NEGR1: variants seen among roughly 807,000 people sequenced by gnomAD.
The protein encoded by NEGR1 is neuronal growth regulator 1, also known as IgLON family member 4.
NEGR1 carries 10 observed loss-of-function variants against 40.9 expected under a neutral mutation model. The ratio of observed to expected loss-of-function variants is 0.24; its 90% CI spans 0.15 to 0.42. The LOEUF (loss-of-function observed/expected upper bound fraction) is 0.42. Ranked by LOEUF, NEGR1 falls within the 10% of genes least tolerant of loss-of-function variation. NEGR1 has a pLI of 1.00. For missense variants in NEGR1, 352 were observed against 438.9 expected, an observed-to-expected ratio of 0.80 and a Z score of 1.77; for synonymous variants, 185 against 166.8, an observed-to-expected ratio of 1.11 and a Z score of -0.84.
At chr1:71,816,546 A>C (rs1463721072) in intron 2 of NEGR1, among the ~76,000 whole-genome samples, 1 of 151,948 alleles carries the variant, frequency 6.6e-6, no homozygotes, top group Non-Finnish European at 1.5e-5. Flanking sequence ...GATCTCATGA[A>C]ACTTATTTAC....
At chr1:72,187,363 C>T (rs1210280404) in intron 1 of NEGR1, among the ~76,000 whole-genome samples, 1 of 151,346 alleles carries the variant, frequency 6.6e-6, no homozygotes, top group Non-Finnish European at 1.5e-5. Context: ...AGGAAATATC[C>T]TAACACAGTA....
intron 1 of NEGR1, among the ~76,000 whole-genome samples, chr1:72,165,533 A>G (rs2100383500): frequency 6.6e-6 from 1 of 152,004 alleles, no homozygotes; most frequent in Middle Eastern, 3.4e-3. Context: ...TGTTTCCTTT[A>G]GGTGTTATTT....
At chr1:71,714,376 A>G (rs765865684) in intron 3 of NEGR1, among the ~76,000 whole-genome samples, 6 of 152,098 alleles carry the variant, frequency 3.9e-5, no homozygotes, top group Non-Finnish European at 8.8e-5. Context: ...CCCCTCCCAA[A>G]TCTCATGTCC....
intron 3 of NEGR1, among the ~76,000 whole-genome samples, chr1:71,743,652 C>A (rs1364278515): frequency 6.6e-6 from 1 of 152,104 alleles, no homozygotes; most frequent in South Asian, 2.1e-4. Context: ...CCCTAATAAC[C>A]TTCAGCAGCA....
At chr1:71,577,782 A>T (rs566008239) in intron 6 of NEGR1, among the ~76,000 whole-genome samples, 56 of 152,272 alleles carry the variant, frequency 3.7e-4, no homozygotes, top group African/African-American at 1.3e-3. Context: ...ATTTTCCAAA[A>T]CTGTTAAAAG....
At chr1:72,063,823 T>C (rs899900969) in intron 1 of NEGR1, among the ~76,000 whole-genome samples, 3 of 151,864 alleles carry the variant, frequency 2.0e-5, no homozygotes, top group African/African-American at 7.2e-5. Context: ...AAAGCCAAGA[T>C]TGTAGTGCTT....
chr1:71,547,850 G>A (rs891357287), intron 6 of NEGR1, among the ~76,000 whole-genome samples: 1 of 151,682 alleles, frequency 6.6e-6, no homozygotes, highest in Non-Finnish European at 1.5e-5. Context: ...TGTGACAGAG[G>A]TGCTGGTATA....
chr1:71,896,183 G>A (rs990420722), intron 2 of NEGR1, among the ~76,000 whole-genome samples: 3 of 151,812 alleles, frequency 2.0e-5, no homozygotes, highest in Admixed American at 2.0e-4. Flanking sequence ...GATTACAGGT[G>A]CATGCCACCA....
At chr1:72,088,770 A>T (rs1013658547) in intron 1 of NEGR1, among the ~76,000 whole-genome samples, 3 of 150,506 alleles carry the variant, frequency 2.0e-5, no homozygotes, top group African/African-American at 7.3e-5. Context: ...ACTGTAAAAC[A>T]ATGTATAATG....
At chr1:71,458,448 A>T (rs1384216009) in intron 6 of NEGR1, among the ~76,000 whole-genome samples, 1 of 152,208 alleles carries the variant, frequency 6.6e-6, no homozygotes, top group African/African-American at 2.4e-5. Flanking sequence ...TGTAGTGCCC[A>T]CTATAGTTAT....
chr1:71,406,290 A>T lies in NEGR1; in HGVS notation c.*1156T>A, dbSNP rs1646277404. On this transcript the variant is annotated 3_prime_UTR_variant, in exon 7 of 7. Coordinates refer to ENST00000357731, the MANE Select transcript of NEGR1 (RefSeq NM_173808.3). ...TGCATTCCAGACTATCAACTGAGTG[A>T]TACTTTCAGATGGAAAATATGCAAA... 1 of 151,962 alleles carries T rather than the reference A, an allele frequency of 6.6e-6. No individual in the cohort carries two copies. Among genetic ancestry groups the T allele is most frequent in the South Asian group, 2.1e-4 (1 of 4,830 alleles). The allele number at this position is 151,962 out of a possible 1,614,324, so 9.4% of individuals were successfully genotyped here. A position where few individuals can be genotyped will look rare whatever the true frequency, so the allele number is the denominator to read the frequency against.
intron 2 of NEGR1, among the ~76,000 whole-genome samples, chr1:71,884,227 T>G (rs991364648): frequency 1.3e-5 from 2 of 151,794 alleles, no homozygotes; most frequent in Non-Finnish European, 2.9e-5. Context: ...ATTGTGTTTG[T>G]TTTTTTTCCT....
chr1:71,966,395 T>C (rs1304686515), intron 1 of NEGR1, among the ~76,000 whole-genome samples: 1 of 152,196 alleles, frequency 6.6e-6, no homozygotes, highest in Non-Finnish European at 1.5e-5. Flanking sequence ...AAATTTCAGA[T>C]ACATGCCAAA....
intron 3 of NEGR1, among the ~76,000 whole-genome samples, chr1:71,707,269 C>T (rs1653933172): frequency 6.6e-6 from 1 of 152,158 alleles, no homozygotes; most frequent in Non-Finnish European, 1.5e-5. Context: ...GGGGAGCCCA[C>T]TGCCCTCAAT....
intron 1 of NEGR1, among the ~76,000 whole-genome samples, chr1:72,025,882 C>A (rs186229118): frequency 2.5e-4 from 38 of 151,808 alleles, no homozygotes; most frequent in Non-Finnish European, 4.3e-4. Context: ...GAGGCCGAGG[C>A]GGGCGGATCA....
intron 4 of NEGR1, among the ~76,000 whole-genome samples, chr1:71,693,790 G>A (rs548195555): frequency 5.9e-5 from 9 of 151,600 alleles, no homozygotes; most frequent in Non-Finnish European, 8.9e-5. Flanking sequence ...GATGGCCTCT[G>A]TCACAAGATT....
At chr1:71,423,724 T>C (rs1646411673) in intron 6 of NEGR1, among the ~76,000 whole-genome samples, 1 of 152,108 alleles carries the variant, frequency 6.6e-6, no homozygotes, top group African/African-American at 2.4e-5. Context: ...ATTATCAAAC[T>C]TTTGGGCAGG....
chr1:71,656,166 G>T lies in NEGR1; in HGVS notation c.667+41842C>A, dbSNP rs568319722. ...ATCCCCACAGCCCACTTCCCAATCT[G>T]CACTGTTAGTTTTAAGTATCAGACG... On this transcript the variant is annotated intron_variant, in intron 4 of 6. Coordinates refer to ENST00000357731, the MANE Select transcript of NEGR1 (RefSeq NM_173808.3). Among the ~76,000 whole-genome samples the T allele has an allele frequency of 5.9e-5, 9 of 152,180 alleles. No individual in the cohort carries two copies. In the South Asian group the frequency reaches 1.9e-3, roughly 32 times the overall value.
intron 1 of NEGR1, among the ~76,000 whole-genome samples, chr1:72,192,099 G>C (rs761434371): frequency 6.6e-6 from 1 of 151,838 alleles, no homozygotes; most frequent in Non-Finnish European, 1.5e-5. Flanking sequence ...GGTGACTCAA[G>C]CATGTTGGTT....
Sources: gnomAD v4.1 joint callset for allele counts (sites outside exome capture counted in the v4.1 genomes callset) on GRCh38, gnomAD v4.1.1 for gene constraint, MANE v1.5 for transcripts, NCBI Gene and HGNC (gene_info 2026-07-23, HGNC 2026-07-21) for gene names.